Variants in SMARCA4 observed in about 807,000 individuals in gnomAD.
The protein encoded by SMARCA4 is SWI/SNF-related matrix-associated actin-dependent regulator of chromatin subfamily A member 4.
Under a neutral mutation model 193.9 loss-of-function variants are expected in SMARCA4, and 31 were observed. The observed-to-expected ratio is 0.16, with a 90% CI of 0.12 to 0.22. The LOEUF (loss-of-function observed/expected upper bound fraction) is 0.22. Ranked by LOEUF, SMARCA4 falls within the 10% of genes least tolerant of loss-of-function variation. The pLI is 1.00. For synonymous variants in SMARCA4, 942 were observed against 933.1 expected, an observed-to-expected ratio of 1.01 and a Z score of -0.17; for missense variants, 1,148 against 2,296.0, an observed-to-expected ratio of 0.50 and a Z score of 10.22.
chr19:10,964,082 G>A (rs2084024595), intron 1 of SMARCA4, among the ~76,000 whole-genome samples: 1 of 152,184 alleles, frequency 6.6e-6, no homozygotes, highest in African/African-American at 2.4e-5. Flanking sequence ...GATGTCATCA[G>A]AATTGTGATA....
rs370678235 is a variant in SMARCA4, at chr19:10,994,859, A to G, written c.1451A>G (p.Lys484Arg). 1.2e-6 allele frequency: 2 copies of G among 1,614,094 alleles called. No individual in the cohort carries two copies. The highest frequency in any genetic ancestry group is 1.3e-5 in the African/African-American group (1 of 74,942). Residue 484 changes from lysine to arginine, a missense_variant, in exon 9 of 35, where the codon AAG becomes AGG. Physicochemically the swap from Lys to Arg is conservative, Grantham distance 26. Around this residue, in one of 17 missense-constraint regions of SMARCA4, gnomAD observed 69 missense variants for 186.9 expected, o/e 0.37. Coordinates refer to ENST00000344626, the MANE Select transcript of SMARCA4 (RefSeq NM_003072.5). ...CTCAATAGCATTCTCCAGCATGCCA[A>G]GGATTTCAAGGAATATCACAGATCC... ...EYLNSILQHA[K>R]DFKEYHRSVT...
At chr19:11,028,997 A>G (rs911839518) in intron 24 of SMARCA4, among the ~76,000 whole-genome samples, 1 of 152,000 alleles carries the variant, frequency 6.6e-6, no homozygotes, top group Non-Finnish European at 1.5e-5. Flanking sequence ...TGCTGGGCCA[A>G]CCTGCCCAGG....
At position 10,985,987 on chromosome 19, in the gene SMARCA4, T is replaced by G. The variant is rs892178153; in HGVS notation, c.356-202T>G. Among the ~76,000 whole-genome samples the G allele has an allele frequency of 3.3e-5, 5 of 152,162 alleles. No homozygotes were observed. Among genetic ancestry groups the G allele is most frequent in the African/African-American group, 1.2e-4 (5 of 41,434 alleles). On this transcript the variant is annotated intron_variant, in intron 3 of 34. Transcript: ENST00000344626. The surrounding 1 kb of genome is among the most constrained non-coding windows in gnomAD (Gnocchi z 4.5). Reference sequence around the variant, plus strand: ...TAACCAGAAGCACCTTACTGAGACGTGGGCCAAACCAAATCCACCAGGTCG... The same window carrying G: ...TAACCAGAAGCACCTTACTGAGACGGGGGCCAAACCAAATCCACCAGGTCG...
Position 11,034,086 on chromosome 19 carries a change from CCCT to C in SMARCA4, c.3874-32_3874-30del. On this transcript the variant is annotated intron_variant, in intron 27 of 34. Coordinates refer to ENST00000344626, the MANE Select transcript of SMARCA4 (RefSeq NM_003072.5). The surrounding 1 kb of genome is among the most constrained non-coding windows in gnomAD (Gnocchi z 7.0). ...GAGCTCGGCCGCCGCCCACCCCGGCCCCTCCTCAGCGGCACTGACAGTTTGCAA... is the reference window on the plus strand; with the variant it reads ...GAGCTCGGCCGCCGCCCACCCCGGCCCCTCAGCGGCACTGACAGTTTGCAA... 1 of 1,559,928 alleles carries C rather than the reference CCCT, an allele frequency of 6.4e-7. No individual in the cohort carries two copies. Among genetic ancestry groups the C allele is most frequent in the Non-Finnish European group, 8.8e-7 (1 of 1,131,534 alleles).
intron 18 of SMARCA4, chr19:11,020,841 C>CTT (rs1022542718): frequency 4.2e-5 from 6 of 144,218 alleles, no homozygotes; most frequent in South Asian, 2.2e-4. Context: ...TTTTTCTCTT[C>CTT]TTTTTTTTTT....
rs1026944070 is a variant in SMARCA4, at chr19:10,966,813, G to C, written c.-32+5639G>C. 1.3e-5 allele frequency among the ~76,000 whole-genome samples: 2 copies of C among 151,838 alleles called. 1 individual carries two copies. The highest frequency in any genetic ancestry group is 4.2e-4 in the South Asian group (2 of 4,816). On this transcript the variant is annotated intron_variant, in intron 1 of 34. Transcript: ENST00000344626. ...TGAGGCAGGAGAATTGCTTGAACCC[G>C]GGAGGCCAAGGTTGCAGGGAGCCGA...
chr19:10,973,974 C>T (rs1199331640), intron 1 of SMARCA4, among the ~76,000 whole-genome samples: 1 of 152,138 alleles, frequency 6.6e-6, no homozygotes, highest in African/African-American at 2.4e-5. Flanking sequence ...TGCTGTTGTT[C>T]CGCCCAAGCC....
rs776397961 is a variant in SMARCA4 at position 10,984,144 on chromosome 19, C to T, written c.-8C>T. 3.7e-6 allele frequency: 6 copies of T among 1,613,562 alleles called. No homozygotes were observed. Among genetic ancestry groups the T allele is most frequent in the Non-Finnish European group, 5.1e-6 (6 of 1,179,956 alleles). On this transcript the variant is annotated 5_prime_UTR_variant, in exon 2 of 35. Coordinates refer to ENST00000344626, the MANE Select transcript of SMARCA4 (RefSeq NM_003072.5). The surrounding 1 kb of genome is among the most constrained non-coding windows in gnomAD (Gnocchi z 4.3). The stretch of plus-strand genomic sequence containing the variant: ...AGCAGGAGGCCACTGTCTGCAGCTC[C>T]CGTGAAGATGTCCACTCCAGACCCA...
At chr19:10,979,932 A>G (rs2085428712) in intron 1 of SMARCA4, among the ~76,000 whole-genome samples, 1 of 152,178 alleles carries the variant, frequency 6.6e-6, no homozygotes, top group Non-Finnish European at 1.5e-5. Flanking sequence ...TCCTGCGATC[A>G]GGGCATGTAC....
intron 30 of SMARCA4, among the ~76,000 whole-genome samples, chr19:11,049,015 G>A (rs930168433): frequency 6.6e-6 from 1 of 152,180 alleles, no homozygotes; most frequent in Non-Finnish European, 1.5e-5. Context: ...AGGGGCCACA[G>A]TAGGAACAGG....
Position 11,041,407 on chromosome 19 carries a change from C to T in SMARCA4, c.4271C>T (p.Pro1424Leu), listed in dbSNP as rs760654888. 2.5e-5 allele frequency: 40 copies of T among 1,612,170 alleles called. No individual in the cohort carries two copies. The highest frequency in any genetic ancestry group is 3.0e-5 in the Non-Finnish European group (35 of 1,179,936). The change falls in exon 30 of 35, where the codon CCG (proline) becomes CTG (leucine). Residue 1424 changes from proline (P) to leucine (L), a missense_variant. This residue lies in a region of SMARCA4 where 141 missense variants were observed against 193.0 expected (regional missense o/e 0.73). Coordinates refer to ENST00000344626, the MANE Select transcript of SMARCA4 (RefSeq NM_003072.5). This position sits in a 1 kb window ranked among gnomAD's most constrained non-coding sequence, Gnocchi z 5.6. ...GACAGCGACGCCGGCTCCTCCACCC[C>T]GACCACCAGCACCCGCAGCCGCGAC... is the stretch of plus-strand genomic sequence containing the variant. ...KRDSDAGSST[P>L]TTSTRSRDKD...
In SMARCA4 at chr19:11,003,329, A is replaced by G. The variant is rs775612622; in HGVS notation, c.1944-11A>G. ...AGCAGATTTGTATGAAAGCCCTTACATTTTTTCTAGGTATGAAGTAGCTCC... is the reference window on the plus strand; with the variant it reads ...AGCAGATTTGTATGAAAGCCCTTACGTTTTTTCTAGGTATGAAGTAGCTCC... On this transcript the variant is annotated splice_polypyrimidine_tract_variant and intron_variant, in intron 12 of 34. Transcript: ENST00000344626. 6 of 1,613,634 alleles carry G rather than the reference A, an allele frequency of 3.7e-6. No homozygotes were observed. The highest frequency in any genetic ancestry group is 5.1e-6 in the Non-Finnish European group (6 of 1,179,516).
chr19:10,992,878 A>G (rs560473606), intron 8 of SMARCA4, among the ~76,000 whole-genome samples: 5 of 151,466 alleles, frequency 3.3e-5, no homozygotes, highest in South Asian at 2.1e-4. Context: ...GACGTGAGCC[A>G]CTGCTCCTGA....
chr19:10,973,316 C>T (rs762236549), intron 1 of SMARCA4, among the ~76,000 whole-genome samples: 14 of 152,116 alleles, frequency 9.2e-5, no homozygotes, highest in African/African-American at 1.4e-4. Context: ...AGACACCACA[C>T]GTCCCTGTGG....
rs878854231 is a variant in SMARCA4, at chr19:11,060,093, A to G, written c.4817A>G (p.Gln1606Arg). The change falls in exon 34 of 35, where the codon CAG (glutamine) becomes CGG (arginine). Residue 1606 changes from glutamine (Q) to arginine (R), a missense_variant. Physicochemically the swap from Gln to Arg is conservative, Grantham distance 43 (BLOSUM62 1). Around this residue, in one of 17 missense-constraint regions of SMARCA4, gnomAD observed 105 missense variants for 133.7 expected, o/e 0.79. Coordinates refer to ENST00000344626, the MANE Select transcript of SMARCA4 (RefSeq NM_003072.5). ...AAGCTTGGCCGGAAGGAGAAGGCAC[A>G]GGACCGGCTGAAGGGCGGCCGGCGG... ...KIKLGRKEKA[Q>R]DRLKGGRRRP... 37 of 1,553,018 alleles carry G rather than the reference A, an allele frequency of 2.4e-5. No homozygotes were observed. The highest frequency in any genetic ancestry group is 3.1e-5 in the Non-Finnish European group (36 of 1,147,910).
chr19:11,014,710 C>T (rs760844592), intron 16 of SMARCA4, among the ~76,000 whole-genome samples: 31 of 152,156 alleles, frequency 2.0e-4, no homozygotes, highest in African/African-American at 2.7e-4. Flanking sequence ...GCTGGAACGC[C>T]GCTCTCCAGG....
chr19:10,976,155 A>G (rs540372700), intron 1 of SMARCA4, among the ~76,000 whole-genome samples: 1 of 152,194 alleles, frequency 6.6e-6, no homozygotes, highest in Non-Finnish European at 1.5e-5. Flanking sequence ...TTTGCTGAAA[A>G]TGCCAAATCC....
chr19:11,052,274 G>C (rs2076304121), intron 30 of SMARCA4, among the ~76,000 whole-genome samples: 1 of 152,182 alleles, frequency 6.6e-6, no homozygotes, highest in South Asian at 2.1e-4. Flanking sequence ...TCAAAGAATA[G>C]AAAGGTGAAC....
chr19:10,988,729 C>T (rs992417763), intron 6 of SMARCA4, among the ~76,000 whole-genome samples: 5 of 151,986 alleles, frequency 3.3e-5, no homozygotes, highest in South Asian at 2.1e-4. Context: ...TTTAAATCTC[C>T]TTTATGGCCT....
Sources: gnomAD v4.1 joint callset for allele counts (sites outside exome capture counted in the v4.1 genomes callset) on GRCh38, gnomAD v4.1.1 for gene constraint, gnomAD v4.1.1 regional missense constraint, Gnocchi (gnomAD v3.1) non-coding constraint, MANE v1.5 for transcripts, NCBI Gene and HGNC (gene_info 2026-07-23, HGNC 2026-07-21) for gene names.